The following KNL1 variants were observed in gnomAD, a reference collection of about 807,000 sequenced individuals.
KNL1 encodes kinetochore scaffold 1.
Under a neutral mutation model 201.3 loss-of-function variants are expected in KNL1, and 66 were observed. That is an observed-to-expected ratio of 0.33 (90% CI 0.27 to 0.40). KNL1 has a LOEUF of 0.40. Among genes scored for constraint, KNL1 ranks in the 10% least tolerant of loss-of-function variants. The pLI, the probability that KNL1 is intolerant of heterozygous loss-of-function variation, is 1.00. For synonymous variants in KNL1, 895 were observed against 899.2 expected (o/e 1.00, Z 0.08); for missense variants, 2,815 against 2,690.5 (o/e 1.05, Z -1.02).
chr15:40,599,819 A>G (rs1891734021), intron 1 of KNL1, among the ~76,000 whole-genome samples: 1 of 139,714 alleles, frequency 7.2e-6, no homozygotes, highest in South Asian at 2.2e-4. Context: ...TTTTTTAAAG[A>G]GACGGGGTCT....
In KNL1 at chr15:40,651,295, TA is replaced by T. The variant is rs869083504; in HGVS notation, c.6213-159del. 0.048 allele frequency among the ~76,000 whole-genome samples: 1,095 copies of T among 22,660 alleles called. 19 individuals are homozygous for T. The highest frequency in any genetic ancestry group is 0.13 in the Admixed American group (442 of 3,396). 14.9% of individuals were successfully genotyped at this position (22,660 alleles called of 152,430 possible). A position where few individuals can be genotyped will look rare whatever the true frequency, so the allele number is the denominator to read the frequency against. ...ACCCACTTCTAGATTAATGCTTATA[TA>T]AAAAAAAAAAAAAAAACTAAACTAA... On this transcript the variant is annotated intron_variant, in intron 19 of 25. Coordinates refer to ENST00000399668, the MANE Select transcript of KNL1 (RefSeq NM_144508.5).
chr15:40,605,828 T>G (rs1891953626), intron 3 of KNL1, among the ~76,000 whole-genome samples: 1 of 152,250 alleles, frequency 6.6e-6, no homozygotes, highest in African/African-American at 2.4e-5. Flanking sequence ...GCACACTTAC[T>G]GACCAGAGAT....
chr15:40,651,644 A>G, intron 20 of KNL1, 72 bp downstream of exon 20: 1 of 1,039,810 alleles, frequency 9.6e-7, no homozygotes, highest in South Asian at 1.6e-5. Context: ...GATTGGAGCA[A>G]TTGATGTATT....
chr15:40,621,374 T>C lies in KNL1; in HGVS notation c.1110T>C (p.Thr370=), dbSNP rs1892520685. The part of the protein sequence containing the change: ...NKTVFKSKQN[T]AFQDLSINSA... ...CAGTTTTTAAGAGTAAACAAAATAC[T>C]GCTTTTCAAGACCTTTCCATAAACT... Residue 370 remains threonine (T), a synonymous_variant, in exon 10 of 26, where the codon ACT becomes ACC. Transcript: ENST00000399668. 1 of 1,611,324 alleles carries C rather than the reference T, an allele frequency of 6.2e-7. No individual in the cohort carries two copies. The highest frequency in any genetic ancestry group is 8.5e-7 in the Non-Finnish European group (1 of 1,178,532).
chr15:40,638,183 A>G (rs1893113894), intron 13 of KNL1, among the ~76,000 whole-genome samples: 1 of 144,680 alleles, frequency 6.9e-6, no homozygotes, highest in East Asian at 2.1e-4. Context: ...GTGAGACTCT[A>G]TCTCAAAAGA....
At chr15:40,637,354 A>T in intron 13 of KNL1, among the ~76,000 whole-genome samples, 1 of 143,148 alleles carries the variant, frequency 7.0e-6, no homozygotes, top group Non-Finnish European at 1.5e-5. Context: ...TATAGGCTTG[A>T]TTAGATTAAC....
At chr15:40,618,387 T>C (rs922606295) in intron 8 of KNL1, among the ~76,000 whole-genome samples, 2 of 152,140 alleles carry the variant, frequency 1.3e-5, no homozygotes, top group African/African-American at 4.8e-5. Flanking sequence ...ATGTGTCTTA[T>C]CATGGGAATA....
rs780532112 is a variant in KNL1, at chr15:40,645,727, C to T, written c.5961C>T (p.His1987=). 6.8e-6 allele frequency: 11 copies of T among 1,610,876 alleles called. No individual in the cohort carries two copies. In the Admixed American group the frequency reaches 1.4e-4, roughly 20 times the overall value. Residue 1987 remains histidine, a synonymous_variant, in exon 16 of 26, where the codon CAC becomes CAT. Transcript: ENST00000399668. Reference sequence around the variant, plus strand: ...CCAAGATGACTAAAGTCTTCACTCACCAAGGAAAAGTGGCTCTGTATGGCA... The same window carrying T: ...CCAAGATGACTAAAGTCTTCACTCATCAAGGAAAAGTGGCTCTGTATGGCA... ...CFTKMTKVFT[H]QGKVALYGKL...
intron 1 of KNL1, among the ~76,000 whole-genome samples, chr15:40,598,067 G>C (rs1043788129): frequency 6.6e-6 from 1 of 151,914 alleles, no homozygotes; most frequent in African/African-American, 2.4e-5. Flanking sequence ...CTACTCTGGC[G>C]GGTGAGGCAG....
intron 1 of KNL1, among the ~76,000 whole-genome samples, chr15:40,596,922 C>G (rs1289141383): frequency 6.8e-6 from 1 of 147,848 alleles, no homozygotes; most frequent in Non-Finnish European, 1.5e-5. Flanking sequence ...ATCACTTGAA[C>G]CTGGGAGGCA....
At chr15:40,649,497 T>C (rs1893490446) in intron 17 of KNL1, among the ~76,000 whole-genome samples, 1 of 151,962 alleles carries the variant, frequency 6.6e-6, no homozygotes, top group Non-Finnish European at 1.5e-5. Context: ...TGTTTCACCA[T>C]CTTGGCCAGG....
rs1183311062 is a variant in KNL1, at chr15:40,620,894, A to C, written c.630A>C (p.Glu210Asp). 1 of 1,598,908 alleles carries C rather than the reference A, an allele frequency of 6.3e-7. No homozygotes were observed. The highest frequency in any genetic ancestry group is 8.5e-7 in the Non-Finnish European group (1 of 1,175,426). ...NFSVDQNTSSENKIDFNDFIK... is the reference protein window; with the variant it reads ...NFSVDQNTSSDNKIDFNDFIK... Reference sequence around the variant, plus strand: ...CCGTGGATCAAAACACTTCTTCAGAAAATAAAATAGATTTCAATGACTTCA... The same window carrying C: ...CCGTGGATCAAAACACTTCTTCAGACAATAAAATAGATTTCAATGACTTCA... Residue 210 changes from glutamate (E) to aspartate (D), a missense_variant, in exon 10 of 26, where the codon GAA becomes GAC. Around this residue, in one of 3 missense-constraint regions of KNL1, gnomAD observed 2,464 missense variants for 2,291.7 expected, o/e 1.08. Transcript: ENST00000399668.
chr15:40,657,000 A>G (rs780444230), intron 22 of KNL1, 42 bp from the exon 23 acceptor site: 7 of 886,840 alleles, frequency 7.9e-6, no homozygotes, highest in Admixed American at 2.8e-5. Flanking sequence ...TATATGAATC[A>G]TAAGTAATAA....
chr15:40,627,509 G>A (rs1336328306), intron 10 of KNL1, among the ~76,000 whole-genome samples: 5 of 142,894 alleles, frequency 3.5e-5, no homozygotes, highest in Admixed American at 1.4e-4. Context: ...GTGAGACTCC[G>A]CCTCAAAAAA....
chr15:40,660,664 C>CAAAAAAAA (rs35985022), intron 25 of KNL1, among the ~76,000 whole-genome samples: 3 of 88,812 alleles, frequency 3.4e-5, no homozygotes, highest in East Asian at 3.7e-4. Context: ...AACTCCGTCT[C>CAAAAAAAA]AAAAAAAAAA....
At chr15:40,605,505 G>T (rs371609835) in intron 3 of KNL1, among the ~76,000 whole-genome samples, 3 of 152,170 alleles carry the variant, frequency 2.0e-5, no homozygotes, top group African/African-American at 7.2e-5. Context: ...AGGCTGGAGC[G>T]CAGTGGTGTG....
intron 13 of KNL1, among the ~76,000 whole-genome samples, chr15:40,634,221 C>T (rs891399110): frequency 1.3e-5 from 2 of 152,190 alleles, no homozygotes; most frequent in African/African-American, 4.8e-5. Flanking sequence ...ATTCTTCTGC[C>T]TCAGCCTCCC....
intron 3 of KNL1, among the ~76,000 whole-genome samples, chr15:40,605,991 G>A (rs183421622): frequency 6.6e-6 from 1 of 152,282 alleles, no homozygotes. Flanking sequence ...GTGAAGAATA[G>A]TGTCTTTTTC....
At chr15:40,652,753 A>ACT (rs56307039) in intron 21 of KNL1, among the ~76,000 whole-genome samples, 52,601 of 125,028 alleles carry the variant, frequency 0.42, 10,273 homozygotes, top group Middle Eastern at 0.52. Context: ...ACAGAGCAAA[A>ACT]CTGTCTCAAA....
Sources: gnomAD v4.1 joint callset for allele counts (sites outside exome capture counted in the v4.1 genomes callset) on GRCh38, gnomAD v4.1.1 for gene constraint, gnomAD v4.1.1 regional missense constraint, MANE v1.5 for transcripts, NCBI Gene and HGNC (gene_info 2026-07-23, HGNC 2026-07-21) for gene names.